LRRTM4: variants seen among roughly 807,000 people sequenced by gnomAD.
The protein encoded by LRRTM4 is leucine-rich repeat transmembrane neuronal protein 4.
In LRRTM4, 25 loss-of-function variants were observed where a neutral mutation model predicts 47.6. The ratio of observed to expected loss-of-function variants is 0.53; its 90% confidence interval spans 0.38 to 0.73. The LOEUF is 0.73. Among genes scored for constraint, LRRTM4 ranks in the 30% least tolerant of loss-of-function variants. The pLI, the probability that LRRTM4 is intolerant of heterozygous loss-of-function variation, is 0.00. For missense variants in LRRTM4, 638 were observed against 713.4 expected, an observed-to-expected ratio of 0.89 and a Z score of 1.20; for synonymous variants, 311 against 269.5, an observed-to-expected ratio of 1.15 and a Z score of -1.51.
At chr2:77,262,147 C>T (rs748818685) in intron 3 of LRRTM4, among the ~76,000 whole-genome samples, 29 of 152,134 alleles carry the variant, frequency 1.9e-4, no homozygotes, top group Non-Finnish European at 3.2e-4. Flanking sequence ...CAGATGGGAC[C>T]GTCTAGTTGC....
intron 3 of LRRTM4, among the ~76,000 whole-genome samples, chr2:76,780,629 T>G: frequency 6.6e-6 from 1 of 152,212 alleles, no homozygotes; most frequent in Admixed American, 6.5e-5. Context: ...TAAGCACTTC[T>G]CTGTATTGGT....
chr2:76,856,113 C>T (rs1267567687), intron 3 of LRRTM4, among the ~76,000 whole-genome samples: 7 of 152,000 alleles, frequency 4.6e-5, no homozygotes, highest in Non-Finnish European at 1.0e-4. Flanking sequence ...CCCATCTCTA[C>T]TAAAACTACA....
At chr2:76,808,305 G>A (rs192673518) in intron 3 of LRRTM4, among the ~76,000 whole-genome samples, 6 of 151,946 alleles carry the variant, frequency 3.9e-5, no homozygotes, top group East Asian at 3.9e-4. Context: ...CACCGCAGCT[G>A]GCCTATTTTC....
chr2:76,801,242 T>G (rs1290721033), intron 3 of LRRTM4, among the ~76,000 whole-genome samples: 3 of 151,990 alleles, frequency 2.0e-5, no homozygotes, highest in Non-Finnish European at 4.4e-5. Flanking sequence ...TTATTCACAA[T>G]AGCAAAGACT....
At chr2:77,031,466 T>A (rs1678653428) in intron 3 of LRRTM4, among the ~76,000 whole-genome samples, 1 of 152,188 alleles carries the variant, frequency 6.6e-6, no homozygotes, top group Admixed American at 6.5e-5. Context: ...ATTAGTTATT[T>A]CCTAATTTTT....
chr2:76,949,912 C>T (rs1675442210), intron 3 of LRRTM4, among the ~76,000 whole-genome samples: 1 of 151,546 alleles, frequency 6.6e-6, no homozygotes, highest in African/African-American at 2.4e-5. Context: ...CCCATTATAG[C>T]CAAATTAAGA....
intron 3 of LRRTM4, among the ~76,000 whole-genome samples, chr2:76,825,421 G>A (rs1363867385): frequency 6.6e-6 from 1 of 151,674 alleles, no homozygotes; most frequent in East Asian, 1.9e-4. Flanking sequence ...TGACGAATTG[G>A]ATGTAATGGA....
At chr2:76,985,550 C>G (rs545617867) in intron 3 of LRRTM4, among the ~76,000 whole-genome samples, 1 of 152,004 alleles carries the variant, frequency 6.6e-6, no homozygotes, top group Non-Finnish European at 1.5e-5. Flanking sequence ...GGTGAAAGAT[C>G]TCCTCCTGAG....
At chr2:76,936,132 T>C (rs1259554889) in intron 3 of LRRTM4, among the ~76,000 whole-genome samples, 1 of 152,198 alleles carries the variant, frequency 6.6e-6, no homozygotes, top group Non-Finnish European at 1.5e-5. Context: ...TAAGGAAACA[T>C]GCTCACGTAT....
intron 3 of LRRTM4, among the ~76,000 whole-genome samples, chr2:77,484,405 T>C (rs1199211157): frequency 1.3e-5 from 2 of 152,240 alleles, no homozygotes; most frequent in Non-Finnish European, 2.9e-5. Context: ...ACTCACATAT[T>C]TTTGCAAGAC....
intron 3 of LRRTM4, among the ~76,000 whole-genome samples, chr2:77,189,030 G>A (rs1573055255): frequency 1.3e-5 from 2 of 152,036 alleles, no homozygotes; most frequent in East Asian, 3.9e-4. Flanking sequence ...CTAATAAGTG[G>A]AAGATGGTGG....
At chr2:77,267,700 A>ATT (rs11389853) in intron 3 of LRRTM4, among the ~76,000 whole-genome samples, 130 of 151,236 alleles carry the variant, frequency 8.6e-4, no homozygotes, top group East Asian at 7.8e-3. Context: ...CTTCCAGAAT[A>ATT]TTTTTTTTTG....
intron 3 of LRRTM4, among the ~76,000 whole-genome samples, chr2:77,052,438 G>C (rs1007904307): frequency 6.6e-6 from 1 of 151,758 alleles, no homozygotes; most frequent in African/African-American, 2.4e-5. Flanking sequence ...CAAAGTGCTG[G>C]GATTACAGGT....
At chr2:77,234,396 G>T (rs935692143) in intron 3 of LRRTM4, among the ~76,000 whole-genome samples, 1 of 152,166 alleles carries the variant, frequency 6.6e-6, no homozygotes, top group Non-Finnish European at 1.5e-5. Flanking sequence ...TAATGATTTC[G>T]AATAATCTGT....
chr2:76,834,660 C>A (rs1000691824), intron 3 of LRRTM4, among the ~76,000 whole-genome samples: 2 of 151,992 alleles, frequency 1.3e-5, no homozygotes, highest in African/African-American at 4.8e-5. Context: ...AAAGATTACT[C>A]TTTATCTCTG....
At chr2:76,816,507 G>A (rs575496348) in intron 3 of LRRTM4, among the ~76,000 whole-genome samples, 1 of 151,902 alleles carries the variant, frequency 6.6e-6, no homozygotes, top group South Asian at 2.1e-4. Flanking sequence ...CATTTATGAT[G>A]GAATCATAAT....
At chr2:76,967,395 T>C (rs78443465) in intron 3 of LRRTM4, among the ~76,000 whole-genome samples, 3,137 of 151,644 alleles carry the variant, frequency 0.021, 93 homozygotes, top group African/African-American at 0.067. Flanking sequence ...GTGCATAACA[T>C]TGGAGTAGAT....
chr2:77,439,656 G>A lies in LRRTM4; in HGVS notation c.1551+78662C>T, dbSNP rs146018482. Reference sequence around the variant, plus strand: ...GCAATAAGAATTAAAGTCCAAATAAGGTTATATTTGAAAGTTAACAGTGTT... The same window carrying A: ...GCAATAAGAATTAAAGTCCAAATAAAGTTATATTTGAAAGTTAACAGTGTT... On this transcript the variant is annotated intron_variant, in intron 3 of 3. Coordinates refer to ENST00000409884, the MANE Select transcript of LRRTM4 (RefSeq NM_001134745.3). 7.3e-3 allele frequency among the ~76,000 whole-genome samples: 1,115 copies of A among 151,918 alleles called. 12 individuals are homozygous for A. The highest frequency in any genetic ancestry group is 0.026 in the African/African-American group (1,064 of 41,426).
At chr2:77,321,211 C>G (rs568552499) in intron 3 of LRRTM4, among the ~76,000 whole-genome samples, 5 of 152,226 alleles carry the variant, frequency 3.3e-5, no homozygotes, top group Admixed American at 1.3e-4. Flanking sequence ...AAATGTTTCT[C>G]TCTTGCATGC....
Sources: gnomAD v4.1 joint callset for allele counts (sites outside exome capture counted in the v4.1 genomes callset) on GRCh38, gnomAD v4.1.1 for gene constraint, MANE v1.5 for transcripts, NCBI Gene and HGNC (gene_info 2026-07-23, HGNC 2026-07-21) for gene names.